Variants in INF2 observed in about 807,000 individuals in gnomAD.
INF2 encodes the protein inverted formin-2.
In INF2, 43 loss-of-function variants were observed where a neutral mutation model predicts 123.5. That is an observed-to-expected ratio of 0.35 (90% CI 0.27 to 0.45). The LOEUF (loss-of-function observed/expected upper bound fraction) is 0.45. Ranked by LOEUF, INF2 falls within the 20% of genes least tolerant of loss-of-function variation. The probability of loss-of-function intolerance (pLI) is 1.00; values close to 1 mark genes in which losing one functional copy is unlikely to be tolerated. For missense variants in INF2, 1,453 were observed against 1,682.7 expected (o/e 0.86, Z 2.39); for synonymous variants, 851 against 745.0 (o/e 1.14, Z -2.32).
chr14:104,715,927 C>G (rs1357860352), intron 22 of INF2: 1 of 456,084 alleles, frequency 2.2e-6, no homozygotes, highest in East Asian at 6.9e-5. Flanking sequence ...GTCCTCCCAC[C>G]CCGAGGCCAT....
chr14:104,693,205 C>T (rs950083329), intron 1 of INF2, among the ~76,000 whole-genome samples: 72 of 152,344 alleles, frequency 4.7e-4, no homozygotes, highest in African/African-American at 1.7e-3. Flanking sequence ...GTTATACCAC[C>T]CCACCTGCTT....
intron 10 of INF2, 134 bp downstream of exon 10, chr14:104,708,866 G>C: frequency 1.0e-6 from 1 of 997,792 alleles, no homozygotes; most frequent in South Asian, 1.3e-5. Context: ...CAGGATTGTA[G>C]GCGGGTAATA....
At chr14:104,693,856 C>T (rs76362209) in intron 1 of INF2, among the ~76,000 whole-genome samples, 4 of 152,324 alleles carry the variant, frequency 2.6e-5, no homozygotes, top group Non-Finnish European at 4.4e-5. Flanking sequence ...TCTGTGCCCC[C>T]GGGTCCCTGT....
In INF2 at chr14:104,711,205, G is replaced by T; in HGVS notation, c.2418+19G>T. On this transcript the variant is annotated intron_variant, in intron 15 of 22. Coordinates refer to ENST00000392634, the MANE Select transcript of INF2 (RefSeq NM_022489.4). ...GCTGGAGGTGGGCCGTGGTGGCGGG[G>T]GCATAATGGGAGGGCTTCAAGTCCC... 2 of 1,542,254 alleles carry T rather than the reference G, an allele frequency of 1.3e-6. No individual in the cohort carries two copies. Among genetic ancestry groups the T allele is most frequent in the Non-Finnish European group, 1.8e-6 (2 of 1,140,714 alleles).
chr14:104,712,354 T>C, intron 16 of INF2, 79 bp from the exon 17 acceptor site: 2 of 1,576,556 alleles, frequency 1.3e-6, no homozygotes, highest in Middle Eastern at 1.9e-4. Flanking sequence ...TGCCGGGGGG[T>C]GCAGGGGAGG....
intron 8 of INF2, 77 bp downstream of exon 8, chr14:104,708,079 C>G: frequency 6.3e-7 from 1 of 1,590,600 alleles, no homozygotes; most frequent in Non-Finnish European, 8.5e-7. Context: ...GGGCAGGTGG[C>G]ACATGGAACT....
Position 104,714,603 on chromosome 14 carries a change from C to T in INF2, c.3441C>T (p.Ser1147=). ...LLGVLQAEAD[S]TSEGLEDAVH... is the part of the protein sequence containing the mutation. ...GCGTCCTCCAGGCCGAGGCCGACAG[C>T]ACAAGTGAGGGGCTGGAGGACGCTG... Residue 1147 remains serine (S), a synonymous_variant, in exon 21 of 23, where the codon AGC becomes AGT. Coordinates refer to ENST00000392634, the MANE Select transcript of INF2 (RefSeq NM_022489.4). 6.2e-7 allele frequency: 1 copy of T among 1,612,602 alleles called. No individual in the cohort carries two copies.
intron 1 of INF2, chr14:104,700,796 G>A (rs1053864386): frequency 4.1e-6 from 4 of 978,494 alleles, no homozygotes; most frequent in African/African-American, 3.5e-5. Context: ...AGGCCCAGGG[G>A]AGACCTGGGA....
intron 16 of INF2, 84 bp from the exon 17 acceptor site, chr14:104,712,349 G>T: frequency 6.3e-7 from 1 of 1,578,226 alleles, no homozygotes; most frequent in East Asian, 2.3e-5. Flanking sequence ...TGGGGTGCCG[G>T]GGGGTGCAGG....
upstream of INF2, among the ~76,000 whole-genome samples, chr14:104,687,002 G>A (rs1418753846): frequency 6.6e-6 from 1 of 152,224 alleles, no homozygotes; most frequent in Non-Finnish European, 1.5e-5. This position sits in a 1 kb window ranked among gnomAD's most constrained non-coding sequence, Gnocchi z 5.6. Flanking sequence ...GCCTGGGTGT[G>A]TCACAGTACC....
chr14:104,708,292 G>A, intron 8 of INF2, 144 bp from the exon 9 acceptor site: 1 of 1,067,212 alleles, frequency 9.4e-7, no homozygotes. Flanking sequence ...AGGGAGGTAG[G>A]GTGCCTGCTG....
chr14:104,710,030 C>A, intron 12 of INF2, 58 bp from the exon 13 acceptor site: 2 of 1,411,614 alleles, frequency 1.4e-6, no homozygotes, highest in African/African-American at 1.4e-5. Flanking sequence ...CTGAGTGCCC[C>A]TCTGGCAGGG....
Position 104,712,984 on chromosome 14 carries a change from G to A in INF2, c.2767G>A (p.Ala923Thr), listed in dbSNP as rs774099930. The change falls in exon 18 of 23, where the codon GCC becomes ACC. Residue 923 changes from alanine (A) to threonine (T), a missense_variant. Coordinates refer to ENST00000392634, the MANE Select transcript of INF2 (RefSeq NM_022489.4). Reference protein sequence around the residue: ...MKAFRDLFLRALKENKDRKEQ... With the variant: ...MKAFRDLFLRTLKENKDRKEQ... ...GGCTTTCCGGGACCTTTTCCTCCGCGCCCTGAAGGTGGGGCAGCCCGGCGG... is the reference window on the plus strand; with the variant it reads ...GGCTTTCCGGGACCTTTTCCTCCGCACCCTGAAGGTGGGGCAGCCCGGCGG... The A allele has an allele frequency of 2.1e-5, 34 of 1,612,328 alleles. No individual in the cohort carries two copies. Among genetic ancestry groups the A allele is most frequent in the Non-Finnish European group, 2.3e-5 (27 of 1,179,794 alleles).
chr14:104,708,264 T>A (rs750691353), intron 8 of INF2, 172 bp from the exon 9 acceptor site: 26 of 920,050 alleles, frequency 2.8e-5, no homozygotes, highest in Non-Finnish European at 3.9e-5. Flanking sequence ...CCTGGGGCCC[T>A]GCTACAGGTG....
In INF2 at chr14:104,712,839, G is replaced by A. The variant is rs374311535; in HGVS notation, c.2622G>A (p.Ser874=). ...QYTERLQASI[S]AFRALDELFE... is the part of the protein sequence containing the mutation. ...GCCCTTGCCCCCAGGCCAGCATCTC[G>A]GCCTTCCGGGCACTGGATGAGCTGT... Residue 874 remains serine, a synonymous_variant, in exon 18 of 23, where the codon TCG becomes TCA. Transcript: ENST00000392634. 5.4e-5 allele frequency: 87 copies of A among 1,610,124 alleles called. 1 individual carries two copies. Among genetic ancestry groups the A allele is most frequent in the African/African-American group, 2.4e-4 (18 of 74,904 alleles).
At chr14:104,687,956 G>A (rs974790263), upstream of INF2, among the ~76,000 whole-genome samples, 2 of 152,216 alleles carry the variant, frequency 1.3e-5, no homozygotes, top group African/African-American at 4.8e-5. This position sits in a 1 kb window ranked among gnomAD's most constrained non-coding sequence, Gnocchi z 5.6. Flanking sequence ...AGTCAGCCCC[G>A]CCCGTGCCCT....
At position 104,719,228 on chromosome 14, in the gene INF2, C is replaced by G. The variant is rs1251609402; in HGVS notation, c.*435C>G. Reference sequence around the variant, plus strand: ...CTTGGAGGTGGCTGAGTTGGGGGCCCTGGGCAGGGGTAAGCTGGCAGGCAG... The same window carrying G: ...CTTGGAGGTGGCTGAGTTGGGGGCCGTGGGCAGGGGTAAGCTGGCAGGCAG... On this transcript the variant is annotated 3_prime_UTR_variant, in exon 23 of 23. Transcript: ENST00000392634. 5.7e-6 allele frequency: 1 copy of G among 176,626 alleles called. No homozygotes were observed. The highest frequency in any genetic ancestry group is 2.4e-5 in the African/African-American group (1 of 42,120). 10.9% of individuals were successfully genotyped at this position (176,626 alleles called of 1,614,324 possible).
At chr14:104,689,529 C>A, upstream of INF2, 1 of 746,154 alleles carries the variant, frequency 1.3e-6, no homozygotes, top group Non-Finnish European at 1.6e-6. Context: ...CCAGGCCCCG[C>A]CCCCGGCCCG....
At chr14:104,716,628 C>T (rs1890310915) in intron 22 of INF2, among the ~76,000 whole-genome samples, 1 of 152,258 alleles carries the variant, frequency 6.6e-6, no homozygotes, top group Non-Finnish European at 1.5e-5. Flanking sequence ...CCACCCGCCC[C>T]AGCTCCTGCC....
Sources: gnomAD v4.1 joint callset for allele counts (sites outside exome capture counted in the v4.1 genomes callset) on GRCh38, gnomAD v4.1.1 for gene constraint, Gnocchi (gnomAD v3.1) non-coding constraint, MANE v1.5 for transcripts, NCBI Gene and HGNC (gene_info 2026-07-23, HGNC 2026-07-21) for gene names.